Variants in EXOC4 observed in about 807,000 individuals in gnomAD.
The protein encoded by EXOC4 is exocyst complex component 4.
Under a neutral mutation model 107.2 loss-of-function variants are expected in EXOC4, and 71 were observed. The observed-to-expected ratio is 0.66, with a 90% CI of 0.55 to 0.81. The LOEUF (loss-of-function observed/expected upper bound fraction) is 0.81. Among genes scored for constraint, EXOC4 ranks in the 30% least tolerant of loss-of-function variants. The pLI is 0.00. For missense variants in EXOC4, 1,108 were observed against 1,189.6 expected, an observed-to-expected ratio of 0.93 and a Z score of 1.01; for synonymous variants, 456 against 441.2, an observed-to-expected ratio of 1.03 and a Z score of -0.42.
chr7:133,295,396 TA>T (rs983458249), intron 3 of EXOC4, among the ~76,000 whole-genome samples: 1 of 152,162 alleles, frequency 6.6e-6, no homozygotes, highest in Non-Finnish European at 1.5e-5. Flanking sequence ...TTACTCGGCT[TA>T]CATTAAAAAT....
chr7:133,837,979 G>A (rs1797951701), intron 11 of EXOC4, among the ~76,000 whole-genome samples: 1 of 152,114 alleles, frequency 6.6e-6, no homozygotes, highest in Non-Finnish European at 1.5e-5. Flanking sequence ...CCAAATGACA[G>A]CATATAGCCT....
intron 4 of EXOC4, among the ~76,000 whole-genome samples, chr7:133,312,147 C>A (rs1794886860): frequency 6.6e-6 from 1 of 152,054 alleles, no homozygotes; most frequent in Non-Finnish European, 1.5e-5. Context: ...CAAAAATATT[C>A]AGCTTAAATG....
intron 11 of EXOC4, among the ~76,000 whole-genome samples, chr7:133,823,575 G>A (rs1394847342): frequency 6.6e-6 from 1 of 151,640 alleles, no homozygotes; most frequent in Admixed American, 6.6e-5. Flanking sequence ...ATCACTTTGG[G>A]AGGCCGAGGC....
At chr7:134,013,066 A>G (rs1013776051) in intron 17 of EXOC4, among the ~76,000 whole-genome samples, 6 of 152,202 alleles carry the variant, frequency 3.9e-5, no homozygotes, top group Non-Finnish European at 5.9e-5. Context: ...TCAAATGTAT[A>G]TATTTGGGAA....
At chr7:134,098,332 C>T in the EXOC4 span, among the ~76,000 whole-genome samples, 1 of 152,184 alleles carries the variant, frequency 6.6e-6, no homozygotes, top group Admixed American at 6.5e-5. Flanking sequence ...TGCGTGATAT[C>T]ATGCCACAGA....
chr7:133,258,670 G>A (rs908152634), intron 1 of EXOC4, among the ~76,000 whole-genome samples: 2 of 152,066 alleles, frequency 1.3e-5, no homozygotes, highest in East Asian at 3.9e-4. Flanking sequence ...TAAATTTGCC[G>A]GATAGCAACC....
chr7:133,823,841 TA>T (rs1475699963), intron 11 of EXOC4, among the ~76,000 whole-genome samples: 5 of 8,848 alleles, frequency 5.7e-4, no homozygotes, highest in East Asian at 8.5e-3. Flanking sequence ...TATATATATA[TA>T]TTATATATAT....
chr7:133,702,354 A>ACCCCTCCCC (rs1562915321), intron 10 of EXOC4, among the ~76,000 whole-genome samples: 98 of 49,122 alleles, frequency 2.0e-3, no homozygotes, highest in East Asian at 3.1e-3. Context: ...TTCCCTTCCC[A>ACCCCTCCCC]TCTTGACAAG....
intron 7 of EXOC4, among the ~76,000 whole-genome samples, chr7:133,376,509 C>T (rs762774465): frequency 6.6e-6 from 1 of 152,172 alleles, no homozygotes; most frequent in Non-Finnish European, 1.5e-5. Flanking sequence ...CTTAGGTAGT[C>T]AGCACAGTCA....
intron 9 of EXOC4, among the ~76,000 whole-genome samples, chr7:133,601,349 A>G (rs905765063): frequency 1.3e-5 from 2 of 151,894 alleles, no homozygotes; most frequent in Admixed American, 6.6e-5. Context: ...GTATGTATGT[A>G]TGTGTGTGTA....
intron 9 of EXOC4, among the ~76,000 whole-genome samples, chr7:133,578,054 A>C (rs1308369273): frequency 2.0e-5 from 3 of 152,190 alleles, no homozygotes; most frequent in African/African-American, 7.2e-5. Flanking sequence ...AAATAGATGC[A>C]AATAGTTTTC....
intron 14 of EXOC4, among the ~76,000 whole-genome samples, chr7:133,984,314 T>A (rs1320125755): frequency 1.3e-5 from 2 of 152,216 alleles, no homozygotes; most frequent in Non-Finnish European, 2.9e-5. Context: ...GGCTGTTATT[T>A]TTGTTTTGCT....
At chr7:133,499,817 A>G (rs982125009) in intron 9 of EXOC4, among the ~76,000 whole-genome samples, 3 of 152,130 alleles carry the variant, frequency 2.0e-5, no homozygotes, top group African/African-American at 7.2e-5. Context: ...ACCCTCTGCC[A>G]TAATTATACA....
intron 10 of EXOC4, among the ~76,000 whole-genome samples, chr7:133,706,713 C>G (rs183192378): frequency 6.6e-6 from 1 of 152,110 alleles, no homozygotes; most frequent in Non-Finnish European, 1.5e-5. Context: ...GTGTTTTATA[C>G]TTAGAGCACA....
At chr7:133,745,126 T>A (rs1795646648) in intron 10 of EXOC4, among the ~76,000 whole-genome samples, 2 of 152,176 alleles carry the variant, frequency 1.3e-5, no homozygotes. Context: ...TTTCTACTGC[T>A]CTGCCTTTTT....
intron 17 of EXOC4, among the ~76,000 whole-genome samples, chr7:134,037,331 G>C (rs993647917): frequency 6.6e-6 from 1 of 152,072 alleles, no homozygotes; most frequent in Non-Finnish European, 1.5e-5. Flanking sequence ...AGGAGACCAG[G>C]GTGACTTTAT....
intron 7 of EXOC4, among the ~76,000 whole-genome samples, chr7:133,411,064 T>C (rs1797344300): frequency 6.6e-6 from 1 of 152,176 alleles, no homozygotes; most frequent in Admixed American, 6.5e-5. Flanking sequence ...ACTGTGATCT[T>C]AAGAGTCTCT....
At chr7:133,836,319 A>T (rs1294019288) in intron 11 of EXOC4, among the ~76,000 whole-genome samples, 1 of 152,040 alleles carries the variant, frequency 6.6e-6, no homozygotes, top group African/African-American at 2.4e-5. Flanking sequence ...TCTTCGCTGG[A>T]GTCAAGTTCA....
chr7:133,619,318 T>C (rs1012730862), intron 9 of EXOC4, among the ~76,000 whole-genome samples: 5 of 152,226 alleles, frequency 3.3e-5, no homozygotes, highest in African/African-American at 9.6e-5. Flanking sequence ...AAATAATTTC[T>C]TTCCAAATTT....
Sources: allele counts gnomAD v4.1 joint callset (sites outside exome capture counted in the v4.1 genomes callset), GRCh38; gene constraint gnomAD v4.1.1; transcripts MANE v1.5; gene names NCBI Gene and HGNC (gene_info 2026-07-23, HGNC 2026-07-21).